CHADL: variants seen among roughly 807,000 people sequenced by gnomAD.
CHADL encodes the protein chondroadherin-like protein.
Under a neutral mutation model 52.1 loss-of-function variants are expected in CHADL, and 48 were observed. The ratio of observed to expected loss-of-function variants is 0.92; its 90% CI spans 0.73 to 1.17. The LOEUF (loss-of-function observed/expected upper bound fraction) is 1.17. Ranked by LOEUF, CHADL falls within the 50% of genes most tolerant of loss-of-function variation. The probability of loss-of-function intolerance (pLI) is 0.00; values close to 1 mark genes in which losing one functional copy is unlikely to be tolerated. For missense variants in CHADL, 977 were observed against 1,035.1 expected, an observed-to-expected ratio of 0.94 and a Z score of 0.77; for synonymous variants, 498 against 511.2, an observed-to-expected ratio of 0.97 and a Z score of 0.35.
chr22:41,237,193 T>C lies in CHADL; in HGVS notation c.1879A>G (p.Ser627Gly). ...GTGCCCACCTGCTCCAGGCCACTGC[T>C]GTTCAGGAAGAGGTGCTGCAGCGAC... ...GRSLQHLFLN[S>G]SGLEQICPGA... Residue 627 changes from serine (S) to glycine (G), a missense_variant, in exon 3 of 6, where the codon AGC becomes GGC. Transcript: ENST00000216241. 1 of 1,543,780 alleles carries C rather than the reference T, an allele frequency of 6.5e-7. No homozygotes were observed. Among genetic ancestry groups the C allele is most frequent in the Non-Finnish European group, 8.8e-7 (1 of 1,142,258 alleles).
rs1311243082 is a variant in CHADL at position 41,236,554 on chromosome 22, T to C, written c.1993A>G (p.Ser665Gly). The C allele has an allele frequency of 1.3e-6, 2 of 1,551,440 alleles. No individual in the cohort carries two copies. Among genetic ancestry groups the C allele is most frequent in the Admixed American group, 2.0e-5 (1 of 51,010 alleles). The part of the protein sequence containing the change: ...LRALPALPSL[S>G]QLELIDLSSN... ...CTGAGGTCGATGAGCTCCAGCTGGCTGAGACTGGGCAGGGCAGGCAGGGCC... is the reference window on the plus strand; with the variant it reads ...CTGAGGTCGATGAGCTCCAGCTGGCCGAGACTGGGCAGGGCAGGCAGGGCC... Residue 665 changes from serine (S) to glycine (G), a missense_variant, in exon 4 of 6, where the codon AGC becomes GGC. By Grantham distance (56) the Ser-to-Gly change is moderately conservative (BLOSUM62 0). Transcript: ENST00000216241.
chr22:41,237,129 C>T (rs1416191003), intron 3 of CHADL, 47 bp downstream of exon 3: 2 of 1,487,570 alleles, frequency 1.3e-6, no homozygotes, highest in Non-Finnish European at 1.8e-6. Flanking sequence ...CTGCCTGTGG[C>T]CTTGTGCCGC....
Position 41,237,493 on chromosome 22 carries a change from G to T in CHADL, c.1579C>A (p.His527Asn). ...CGGTCCACAGCGTTGTCCTGCAGGTGCAGGGAGAAGAGGCTGGGCAGGGCG... is the reference window on the plus strand; with the variant it reads ...CGGTCCACAGCGTTGTCCTGCAGGTTCAGGGAGAAGAGGCTGGGCAGGGCG... The part of the protein sequence containing the change: ...LRALPSLFSL[H>N]LQDNAVDRLA... Residue 527 changes from histidine (H) to asparagine (N), a missense_variant, in exon 3 of 6, where the codon CAC becomes AAC. His to Asn is a moderately conservative substitution (Grantham distance 68). Transcript: ENST00000216241. 6.4e-7 allele frequency: 1 copy of T among 1,550,526 alleles called. No individual in the cohort carries two copies. Among genetic ancestry groups the T allele is most frequent in the East Asian group, 2.4e-5 (1 of 40,918 alleles).
chr22:41,231,280 T>G lies in CHADL; in HGVS notation c.2263-1550A>C, dbSNP rs1266703313. On this transcript the variant is annotated intron_variant, in intron 5 of 5. Coordinates refer to ENST00000216241, the MANE Select transcript of CHADL (RefSeq NM_138481.2). ...ACCCCCTGCTTGCTTGAGTCCCGTT[T>G]GTTAGATCTCTATTCCTTGCAGATT... 5 of 152,360 alleles carry G rather than the reference T, an allele frequency of 3.3e-5. No homozygotes were observed. In the East Asian group the frequency reaches 9.7e-4, roughly 29 times the overall value. 9.4% of individuals were successfully genotyped at this position (152,360 alleles called of 1,614,324 possible). A position where few individuals can be genotyped will look rare whatever the true frequency, so the allele number is the denominator to read the frequency against.
At chr22:41,232,216 C>G (rs1223896308) in intron 5 of CHADL, among the ~76,000 whole-genome samples, 4 of 151,884 alleles carry the variant, frequency 2.6e-5, no homozygotes, top group Non-Finnish European at 5.9e-5. Flanking sequence ...CCTGTAATCC[C>G]AGCTACTCGG....
intron 5 of CHADL, 131 bp from the exon 6 acceptor site, chr22:41,229,861 G>T: frequency 1.2e-6 from 1 of 847,362 alleles, no homozygotes; most frequent in South Asian, 1.5e-5. Flanking sequence ...CCTCTAGCCC[G>T]GCCCCGGCCC....
chr22:41,238,526 C>G lies in CHADL; in HGVS notation c.546G>C (p.Leu182=). The G allele has an allele frequency of 6.5e-7, 1 of 1,544,484 alleles. No homozygotes were observed. Among genetic ancestry groups the G allele is most frequent in the Non-Finnish European group, 8.7e-7 (1 of 1,145,828 alleles). ...YLPAMAFQGL[L]RVRWLRLSHN... ...GCGACAGCCGCAGCCAGCGGACGCG[C>G]AGTAGCCCCTGGAAGGCCATGGCGG... Residue 182 remains leucine, a synonymous_variant, in exon 3 of 6, where the codon CTG becomes CTC. Transcript: ENST00000216241. The surrounding 1 kb of genome is among the most constrained non-coding windows in gnomAD (Gnocchi z 4.9).
At position 41,238,990 on chromosome 22, in the gene CHADL, A is replaced by G; in HGVS notation, c.187-105T>C. ...TCTTTTCTCCTGTCACCTTTCCCAT[A>G]TTTCTCTTCATCCGACCCCTGACAC... On this transcript the variant is annotated intron_variant, in intron 2 of 5. Coordinates refer to ENST00000216241, the MANE Select transcript of CHADL (RefSeq NM_138481.2). This position sits in a 1 kb window ranked among gnomAD's most constrained non-coding sequence, Gnocchi z 4.9. 3.6e-6 allele frequency: 5 copies of G among 1,388,258 alleles called. No individual in the cohort carries two copies. The highest frequency in any genetic ancestry group is 4.8e-6 in the Non-Finnish European group (5 of 1,050,964). 86.0% of individuals were successfully genotyped at this position (1,388,258 alleles called of 1,614,324 possible). A position where few individuals can be genotyped will look rare whatever the true frequency, so the allele number is the denominator to read the frequency against.
chr22:41,231,768 C>G (rs959868223), intron 5 of CHADL, among the ~76,000 whole-genome samples: 3 of 152,176 alleles, frequency 2.0e-5, no homozygotes, highest in Admixed American at 2.0e-4. Context: ...CCTGCTTCTG[C>G]CTCAGGACCC....
chr22:41,237,252 G>A lies in CHADL; in HGVS notation c.1820C>T (p.Ala607Val). The stretch of plus-strand genomic sequence containing the variant: ...AGGCTGGAAGGCTCCGTCACGCAAG[G>A]CCCTGAGTGGGTTGCCCGAGAGCTG... ...ELQLSGNPLR[A>V]LRDGAFQPVG... The change falls in exon 3 of 6, where the codon GCC (alanine) becomes GTC (valine). Residue 607 changes from alanine (A) to valine (V), a missense_variant. Physicochemically the swap from Ala to Val is moderately conservative, Grantham distance 64. Transcript: ENST00000216241. The A allele has an allele frequency of 6.4e-7, 1 of 1,550,586 alleles. No homozygotes were observed. Among genetic ancestry groups the A allele is most frequent in the Non-Finnish European group, 8.7e-7 (1 of 1,146,962 alleles).
In CHADL at chr22:41,238,437, C is replaced by G. The variant is rs1252963137; in HGVS notation, c.635G>C (p.Ser212Thr). The G allele has an allele frequency of 6.5e-7, 1 of 1,527,848 alleles. No individual in the cohort carries two copies. Among genetic ancestry groups the G allele is most frequent in the Non-Finnish European group, 8.8e-7 (1 of 1,140,326 alleles). 94.6% of individuals were successfully genotyped at this position (1,527,848 alleles called of 1,614,324 possible). The change falls in exon 3 of 6, where the codon AGC becomes ACC. Residue 212 changes from serine (S) to threonine (T), a missense_variant. By Grantham distance (58) the Ser-to-Thr change is moderately conservative (BLOSUM62 1). Transcript: ENST00000216241. The surrounding 1 kb of genome is among the most constrained non-coding windows in gnomAD (Gnocchi z 4.9). ...AGCCTGGAGCTCGTTGTGGTGTAGG[C>G]TGAGCCGTCTCAGGGCGGGCAGGCC... ...LAGLPALRRL[S>T]LHHNELQALP...
intron 5 of CHADL, chr22:41,230,077 C>CCG: frequency 1.3e-6 from 1 of 789,784 alleles, no homozygotes; most frequent in Non-Finnish European, 2.0e-6. Context: ...CCCAGCTCCT[C>CCG]CGCCCCCACC....
At chr22:41,234,484 C>T (rs1242084545) in intron 5 of CHADL, among the ~76,000 whole-genome samples, 3 of 151,622 alleles carry the variant, frequency 2.0e-5, no homozygotes, top group East Asian at 1.9e-4. Context: ...CGGGTTCAAG[C>T]GATTCTCCCA....
intron 5 of CHADL, among the ~76,000 whole-genome samples, chr22:41,232,648 T>C (rs1201210221): frequency 6.6e-6 from 1 of 151,842 alleles, no homozygotes; most frequent in African/African-American, 2.4e-5. Flanking sequence ...CTGAAAGGAG[T>C]ATCAGAAGGG....
chr22:41,240,475 G>A (rs890335424), intron 1 of CHADL, among the ~76,000 whole-genome samples: 2 of 152,212 alleles, frequency 1.3e-5, no homozygotes, highest in Admixed American at 1.3e-4. Flanking sequence ...CCCCCTCGCT[G>A]CTCACTGGAC....
chr22:41,238,740 C>T lies in CHADL; in HGVS notation c.332G>A (p.Arg111His), dbSNP rs960913114. 1.2e-5 allele frequency: 19 copies of T among 1,548,410 alleles called. No individual in the cohort carries two copies. Among genetic ancestry groups the T allele is most frequent in the Non-Finnish European group, 1.6e-5 (18 of 1,146,670 alleles). Residue 111 changes from arginine to histidine, a missense_variant, in exon 3 of 6, where the codon CGC becomes CAC. Arg to His is a conservative substitution (Grantham distance 29). Coordinates refer to ENST00000216241, the MANE Select transcript of CHADL (RefSeq NM_138481.2). The surrounding 1 kb of genome is among the most constrained non-coding windows in gnomAD (Gnocchi z 4.9). ...GGAGGCCAGGTTGAGCAGGAGCAGG[C>T]GGCCCAGGCCACGGAAGGCGCCCTC... ...VAEGAFRGLG[R>H]LLLLNLASNH...
Position 41,240,858 on chromosome 22 carries a change from G to A in CHADL, c.8+16C>T, listed in dbSNP as rs1005989618. 1.2e-5 allele frequency: 18 copies of A among 1,550,704 alleles called. No homozygotes were observed. Among genetic ancestry groups the A allele is most frequent in the East Asian group, 4.9e-5 (2 of 40,882 alleles). ...GCTCTGAATCCCCCCTTGCACCATC[G>A]GGCCCAAAGACTCACCCCTCCATGC... On this transcript the variant is annotated intron_variant, in intron 1 of 5. Transcript: ENST00000216241.
chr22:41,236,758 C>T (rs1488535567), intron 3 of CHADL, 108 bp from the exon 4 acceptor site: 10 of 1,128,186 alleles, frequency 8.9e-6, no homozygotes, highest in African/African-American at 1.6e-5. Context: ...CTGGAGAGCC[C>T]AAGCTGGTCC....
At position 41,238,198 on chromosome 22, in the gene CHADL, T is replaced by C. The variant is rs1182532146; in HGVS notation, c.874A>G (p.Thr292Ala). The change falls in exon 3 of 6, where the codon ACC (threonine) becomes GCC (alanine). Residue 292 changes from threonine to alanine, a missense_variant. Physicochemically the swap from Thr to Ala is moderately conservative, Grantham distance 58 (BLOSUM62 0). Coordinates refer to ENST00000216241, the MANE Select transcript of CHADL (RefSeq NM_138481.2). This position sits in a 1 kb window ranked among gnomAD's most constrained non-coding sequence, Gnocchi z 4.9. ...CCCGGGCCCTGCAGCGGGGGCAGGG[T>C]GTCTAGCTGGTTCCCGCGGAGGTCG... ...TLDLRGNQLDTLPPLQGPGQL... is the reference protein window; with the variant it reads ...TLDLRGNQLDALPPLQGPGQL... 7 of 1,517,812 alleles carry C rather than the reference T, an allele frequency of 4.6e-6. No homozygotes were observed. The highest frequency in any genetic ancestry group is 5.1e-5 in the East Asian group (2 of 38,904). The allele number at this position is 1,517,812 out of a possible 1,614,324, so 94.0% of individuals were successfully genotyped here.
Sources: gnomAD v4.1 joint callset for allele counts (sites outside exome capture counted in the v4.1 genomes callset) on GRCh38, gnomAD v4.1.1 for gene constraint, Gnocchi (gnomAD v3.1) non-coding constraint, MANE v1.5 for transcripts, NCBI Gene and HGNC (gene_info 2026-07-23, HGNC 2026-07-21) for gene names.